Variants in IQSEC1 observed in about 807,000 individuals in gnomAD.
IQSEC1 encodes the protein IQ motif and Sec7 domain ArfGEF 1, also known as IQ motif and SEC7 domain-containing protein 1.
Under a neutral mutation model 91.0 loss-of-function variants are expected in IQSEC1, and 31 were observed. The ratio of observed to expected loss-of-function variants is 0.34; its 90% CI spans 0.26 to 0.46. The LOEUF (loss-of-function observed/expected upper bound fraction) is 0.46. IQSEC1 is among the 20% of genes least tolerant of loss of function. The pLI is 1.00. For missense variants in IQSEC1, 1,388 were observed against 1,575.6 expected, an observed-to-expected ratio of 0.88 and a Z score of 2.02; for synonymous variants, 699 against 662.6, an observed-to-expected ratio of 1.05 and a Z score of -0.84.
In IQSEC1 at chr3:13,216,585, G is replaced by A. The variant is rs377316946; in HGVS notation, c.273-52452C>T. Among the ~76,000 whole-genome samples, 54 of 152,294 alleles carry A rather than the reference G, an allele frequency of 3.5e-4. 3 individuals carry two copies. Among genetic ancestry groups the A allele is most frequent in the Admixed American group, 8.5e-4 (13 of 15,296 alleles). ...AGCTGTGGCTGGGGACAGGGGGACC[G>A]CAGGAGGGGCTAGAGAAATGAATAT... On this transcript the variant is annotated intron_variant, in intron 1 of 15. Transcript: ENST00000648114.
chr3:13,082,058 C>T (rs958612861), intron 2 of IQSEC1, among the ~76,000 whole-genome samples: 1 of 152,164 alleles, frequency 6.6e-6, no homozygotes, highest in South Asian at 2.1e-4. Context: ...GCTCCTTTAT[C>T]CTTGAGTGGA....
intron 1 of IQSEC1, among the ~76,000 whole-genome samples, chr3:13,007,773 C>A (rs913045792): frequency 4.6e-5 from 7 of 152,226 alleles, no homozygotes; most frequent in African/African-American, 1.7e-4. Context: ...TCTGTGCTTG[C>A]AGATGAAATG....
intron 2 of IQSEC1, among the ~76,000 whole-genome samples, chr3:13,088,114 G>A (rs1705767705): frequency 6.6e-6 from 1 of 152,006 alleles, no homozygotes; most frequent in Admixed American, 6.5e-5. Context: ...GGTGTTCTGT[G>A]ACCCACTGAT....
chr3:13,144,997 G>A (rs1485332628), intron 2 of IQSEC1, among the ~76,000 whole-genome samples: 2 of 152,208 alleles, frequency 1.3e-5, no homozygotes, highest in African/African-American at 2.4e-5. Flanking sequence ...GGCCAGTCCC[G>A]GGAGTGTTCA....
chr3:13,143,385 A>G (rs1177319643), intron 2 of IQSEC1, among the ~76,000 whole-genome samples: 5 of 152,320 alleles, frequency 3.3e-5, no homozygotes, highest in Non-Finnish European at 5.9e-5. Flanking sequence ...AAATGCCACC[A>G]TGGATTCTGT....
In IQSEC1 at chr3:12,935,900, G is replaced by T. The variant is rs138404122; in HGVS notation, c.1116C>A (p.Ser372Arg). The T allele has an allele frequency of 2.5e-6, 4 of 1,603,212 alleles. No individual in the cohort carries two copies. The highest frequency in any genetic ancestry group is 2.5e-6 in the Non-Finnish European group (3 of 1,179,650). ...HLPLLTIEPP[S>R]DSSVDLSDRS... ...GGTCACTAAGGTCCACAGAGCTGTC[G>T]CTGGGTGGCTCGATGGTGAGCAGCG... Residue 372 changes from serine to arginine, a missense_variant, in exon 3 of 14, where the codon AGC becomes AGA. Coordinates refer to ENST00000613206, the MANE Select transcript of IQSEC1 (RefSeq NM_001134382.3). The surrounding 1 kb of genome is among the most constrained non-coding windows in gnomAD (Gnocchi z 8.0).
intron 1 of IQSEC1, among the ~76,000 whole-genome samples, chr3:13,177,135 T>C (rs1019362614): frequency 2.0e-5 from 3 of 152,162 alleles, no homozygotes; most frequent in African/African-American, 7.2e-5. Context: ...GCGAGGGGTG[T>C]ACAAGTCTGC....
At chr3:12,963,531 A>G (rs765759027) in intron 1 of IQSEC1, among the ~76,000 whole-genome samples, 1 of 152,248 alleles carries the variant, frequency 6.6e-6, no homozygotes, top group African/African-American at 2.4e-5. Context: ...GATAACAGCT[A>G]CCATTTGTTG....
At chr3:13,137,342 T>C (rs946179855) in intron 2 of IQSEC1, among the ~76,000 whole-genome samples, 4 of 152,202 alleles carry the variant, frequency 2.6e-5, no homozygotes, top group Admixed American at 1.3e-4. Flanking sequence ...CAATTTATTT[T>C]CACATCAGCG....
At chr3:13,160,599 G>C (rs539392966) in intron 2 of IQSEC1, among the ~76,000 whole-genome samples, 1 of 152,254 alleles carries the variant, frequency 6.6e-6, no homozygotes, top group Non-Finnish European at 1.5e-5. Flanking sequence ...GTGAGTGTTT[G>C]GTAAGGGGAG....
At chr3:12,921,246 C>A (rs532782016) in intron 5 of IQSEC1, among the ~76,000 whole-genome samples, 18 of 152,266 alleles carry the variant, frequency 1.2e-4, no homozygotes, top group African/African-American at 4.1e-4. Context: ...GGGACTGAGG[C>A]TCAGGAGCCC....
At chr3:12,996,001 G>A (rs574126949) in intron 1 of IQSEC1, among the ~76,000 whole-genome samples, 10 of 151,960 alleles carry the variant, frequency 6.6e-5, no homozygotes, top group Non-Finnish European at 1.0e-4. Context: ...GCAACACAGC[G>A]AGACTCCATC....
chr3:13,232,961 G>T lies in IQSEC1; in HGVS notation c.272+49750C>A, dbSNP rs568409664. ...CAGGACATAAAGTAGAATGGTGGGT[G>T]CCCGGGGCTGGGGGAGGGAGGATGG... On this transcript the variant is annotated intron_variant, in intron 1 of 15. Transcript: ENST00000648114. Among the ~76,000 whole-genome samples, 4 of 152,304 alleles carry T rather than the reference G, an allele frequency of 2.6e-5. No individual in the cohort carries two copies. The East Asian group carries it at 7.7e-4, about 29-fold the overall frequency.
chr3:13,253,781 G>T (rs565007389), intron 1 of IQSEC1, among the ~76,000 whole-genome samples: 4 of 152,252 alleles, frequency 2.6e-5, no homozygotes, highest in African/African-American at 9.6e-5. Flanking sequence ...AGGACAAAAG[G>T]CCACGGTTTT....
At chr3:13,002,306 G>A (rs1021918835) in intron 1 of IQSEC1, among the ~76,000 whole-genome samples, 1 of 152,144 alleles carries the variant, frequency 6.6e-6, no homozygotes, top group African/African-American at 2.4e-5. Context: ...AACACCAAAA[G>A]CATAAGCAAG....
At chr3:13,064,043 T>C (rs1705158177) in intron 1 of IQSEC1, among the ~76,000 whole-genome samples, 1 of 151,916 alleles carries the variant, frequency 6.6e-6, no homozygotes, top group Non-Finnish European at 1.5e-5. Flanking sequence ...AGATCTTATA[T>C]ACATCGTTTC....
intron 1 of IQSEC1, among the ~76,000 whole-genome samples, chr3:13,066,669 G>T (rs1449263365): frequency 6.6e-6 from 1 of 152,350 alleles, no homozygotes; most frequent in South Asian, 2.1e-4. Context: ...GCTGAGGAGA[G>T]AGGGGTGTGT....
rs571640603 is a variant in IQSEC1 at position 12,900,850 on chromosome 3, T to C, written c.*133A>G. The C allele has an allele frequency of 6.6e-6, 10 of 1,523,844 alleles. No homozygotes were observed. Among genetic ancestry groups the C allele is most frequent in the Admixed American group, 6.1e-5 (3 of 49,446 alleles). The allele number at this position is 1,523,844 out of a possible 1,614,324, so 94.4% of individuals were successfully genotyped here. ...GCCCTGTGGGCTCCTGGGGCTCCGG[T>C]TGGGCCGTGAGGGGCAGAGGGGAGA... is the stretch of plus-strand genomic sequence containing the variant. On this transcript the variant is annotated 3_prime_UTR_variant, in exon 14 of 14. Coordinates refer to ENST00000613206, the MANE Select transcript of IQSEC1 (RefSeq NM_001134382.3).
intron 2 of IQSEC1, among the ~76,000 whole-genome samples, chr3:13,128,868 C>A (rs1386223551): frequency 8.2e-6 from 1 of 121,480 alleles, no homozygotes; most frequent in Non-Finnish European, 1.6e-5. Context: ...CAGAGCAAGA[C>A]TCTGTCTCAA....
Sources: gnomAD v4.1 joint callset for allele counts (sites outside exome capture counted in the v4.1 genomes callset) on GRCh38, gnomAD v4.1.1 for gene constraint, Gnocchi (gnomAD v3.1) non-coding constraint, MANE v1.5 for transcripts, NCBI Gene and HGNC (gene_info 2026-07-23, HGNC 2026-07-21) for gene names.